The following UCN3 variants were observed in gnomAD, a reference collection of about 807,000 sequenced individuals.
UCN3 encodes the protein urocortin 3.
Under a neutral mutation model 3.6 loss-of-function variants are expected in UCN3, and 3 were observed. That is an observed-to-expected ratio of 0.83 (90% CI 0.38 to 2.15). The LOEUF is 2.15. Among genes scored for constraint, UCN3 ranks in the 30% most tolerant of loss-of-function variants. UCN3 has a pLI of 0.06. For synonymous variants in UCN3, 100 were observed against 93.2 expected (o/e 1.07, Z -0.42); for missense variants, 206 against 208.3 (o/e 0.99, Z 0.07).
In UCN3 at chr10:5,370,825, G is replaced by A. The variant is rs1357885621; in HGVS notation, c.-6-2890G>A. Among the ~76,000 whole-genome samples the A allele has an allele frequency of 2.1e-4, 16 of 76,308 alleles. 2 individuals are homozygous for A. The highest frequency in any genetic ancestry group is 3.7e-4 in the Non-Finnish European group (14 of 37,400). The allele number at this position is 76,308 out of a possible 152,430, so 50.1% of individuals were successfully genotyped here. A position where few individuals can be genotyped will look rare whatever the true frequency, so the allele number is the denominator to read the frequency against. On this transcript the variant is annotated intron_variant, in intron 1 of 1. Coordinates refer to ENST00000380433, the MANE Select transcript of UCN3 (RefSeq NM_053049.4). ...TATATGTGTGTGTGCGTGTGTGTGC[G>A]CGCGTGTGTGTGCGCGTGTGTGTGC...
In UCN3 at chr10:5,370,473, GTGTGTATA is replaced by G. The variant is rs1209771206; in HGVS notation, c.-6-3236_-6-3229del. Among the ~76,000 whole-genome samples, 4 of 98,182 alleles carry G rather than the reference GTGTGTATA, an allele frequency of 4.1e-5. 1 individual carries two copies. The highest frequency in any genetic ancestry group is 1.1e-3 in the South Asian group (2 of 1,874). The allele number at this position is 98,182 out of a possible 152,430, so 64.4% of individuals were successfully genotyped here. A position where few individuals can be genotyped will look rare whatever the true frequency, so the allele number is the denominator to read the frequency against. ...TGTGTGTGTATATGTGTGTATATGC[GTGTGTATA>G]TGTGTGTATGTGTGTGTATATGCGT... On this transcript the variant is annotated intron_variant, in intron 1 of 1. Coordinates refer to ENST00000380433, the MANE Select transcript of UCN3 (RefSeq NM_053049.4).
At chr10:5,370,591 G>C (rs1311533386) in intron 1 of UCN3, among the ~76,000 whole-genome samples, 1 of 97,452 alleles carries the variant, frequency 1.0e-5, no homozygotes, top group African/African-American at 4.0e-5. Context: ...GTGTGTATAT[G>C]TGTGTGTGTA....
At position 5,370,441 on chromosome 10, in the gene UCN3, GTGTA is replaced by G. The variant is rs1220209871; in HGVS notation, c.-6-3270_-6-3267del. 3.5e-5 allele frequency among the ~76,000 whole-genome samples: 4 copies of G among 114,480 alleles called. 1 individual carries two copies. The highest frequency in any genetic ancestry group is 1.5e-4 in the African/African-American group (4 of 26,176). 75.1% of individuals were successfully genotyped at this position (114,480 alleles called of 152,430 possible). ...TGTGTATATGCGTGTGTATATGCGT[GTGTA>G]TGTGTGTGTGTATATGTGTGTATAT... On this transcript the variant is annotated intron_variant, in intron 1 of 1. Transcript: ENST00000380433.
chr10:5,371,565 G>T (rs111911262), intron 1 of UCN3, among the ~76,000 whole-genome samples: 2,012 of 152,178 alleles, frequency 0.013, 42 homozygotes, highest in African/African-American at 0.041. Flanking sequence ...ACAGCCTAAG[G>T]CTGTCTGGTT....
At position 5,370,801 on chromosome 10, in the gene UCN3, A is replaced by G. The variant is rs1468300928; in HGVS notation, c.-6-2914A>G. On this transcript the variant is annotated intron_variant, in intron 1 of 1. Coordinates refer to ENST00000380433, the MANE Select transcript of UCN3 (RefSeq NM_053049.4). ...TGCGTGTGTGTGTGTATGCGTGTGT[A>G]TATGTGTGTGTGCGTGTGTGTGCGC... Among the ~76,000 whole-genome samples the G allele has an allele frequency of 1.6e-3, 153 of 95,348 alleles. 2 individuals are homozygous for G. Among genetic ancestry groups the G allele is most frequent in the African/African-American group, 3.8e-3 (76 of 20,212 alleles). The allele number at this position is 95,348 out of a possible 152,430, so 62.6% of individuals were successfully genotyped here.
In UCN3 at chr10:5,374,579, T is replaced by G; in HGVS notation, c.*373T>G. The G allele has an allele frequency of 5.4e-6, 1 of 185,662 alleles. No homozygotes were observed. Among genetic ancestry groups the G allele is most frequent in the Non-Finnish European group, 1.1e-5 (1 of 88,484 alleles). The allele number at this position is 185,662 out of a possible 1,614,324, so 11.5% of individuals were successfully genotyped here. ...TGCCTGAGAAGAGAGCGTTCAGGGCTCCTCTCCCACACATCAACTTCTTCC... is the reference window on the plus strand; with the variant it reads ...TGCCTGAGAAGAGAGCGTTCAGGGCGCCTCTCCCACACATCAACTTCTTCC... On this transcript the variant is annotated 3_prime_UTR_variant, in exon 2 of 2. Transcript: ENST00000380433.
rs2119115357 is a variant in UCN3, at chr10:5,374,520, T to G, written c.*314T>G. 3.4e-6 allele frequency: 1 copy of G among 295,972 alleles called. No individual in the cohort carries two copies. The highest frequency in any genetic ancestry group is 6.5e-6 in the Non-Finnish European group (1 of 154,168). The allele number at this position is 295,972 out of a possible 1,614,324, so 18.3% of individuals were successfully genotyped here. On this transcript the variant is annotated 3_prime_UTR_variant, in exon 2 of 2. Coordinates refer to ENST00000380433, the MANE Select transcript of UCN3 (RefSeq NM_053049.4). ...CACAGCAAGAGGCAAAGTTCATGCA[T>G]TCCTCCTCTCCAGTCTTCTCTCTGT...
chr10:5,372,500 G>A (rs1339723297), intron 1 of UCN3, among the ~76,000 whole-genome samples: 6 of 152,216 alleles, frequency 3.9e-5, no homozygotes, highest in African/African-American at 9.6e-5. Flanking sequence ...GAGGGTCATC[G>A]AGTCGGACGT....
intron 1 of UCN3, among the ~76,000 whole-genome samples, chr10:5,368,602 C>T (rs1301567556): frequency 6.6e-6 from 1 of 152,118 alleles, no homozygotes; most frequent in Admixed American, 6.5e-5. Flanking sequence ...CAAAGTTTCT[C>T]CACCACTTTC....
intron 1 of UCN3, among the ~76,000 whole-genome samples, chr10:5,372,010 G>A (rs1831435209): frequency 1.3e-5 from 2 of 152,226 alleles, no homozygotes; most frequent in Admixed American, 1.3e-4. Context: ...ACACCGCAAT[G>A]AGAGAACAGG....
In UCN3 at chr10:5,370,553, GTA is replaced by G. The variant is rs782078660; in HGVS notation, c.-6-3158_-6-3157del. On this transcript the variant is annotated intron_variant, in intron 1 of 1. Coordinates refer to ENST00000380433, the MANE Select transcript of UCN3 (RefSeq NM_053049.4). ...TGTGTGTATATGCGTGTATATGTGT[GTA>G]TATGTGTGTGTATATGCGTGTATAT... is the stretch of plus-strand genomic sequence containing the variant. Among the ~76,000 whole-genome samples, 17 of 115,034 alleles carry G rather than the reference GTA, an allele frequency of 1.5e-4. 3 individuals are homozygous for G. Among genetic ancestry groups the G allele is most frequent in the South Asian group, 3.6e-4 (1 of 2,776 alleles). The allele number at this position is 115,034 out of a possible 152,430, so 75.5% of individuals were successfully genotyped here. A position where few individuals can be genotyped will look rare whatever the true frequency, so the allele number is the denominator to read the frequency against.
At chr10:5,372,247 G>T (rs1185693828) in intron 1 of UCN3, among the ~76,000 whole-genome samples, 8 of 152,178 alleles carry the variant, frequency 5.3e-5, no homozygotes, top group African/African-American at 1.9e-4. Flanking sequence ...CAGGGCACAG[G>T]AAGTCAACTC....
At chr10:5,370,754 T>G (rs1399044128) in intron 1 of UCN3, among the ~76,000 whole-genome samples, 2 of 122,930 alleles carry the variant, frequency 1.6e-5, no homozygotes, top group South Asian at 3.1e-4. Context: ...GTATATGATG[T>G]GTGTGTATAT....
chr10:5,370,528 T>TGTGTATGC (rs1831372979), intron 1 of UCN3, among the ~76,000 whole-genome samples: 1 of 78,412 alleles, frequency 1.3e-5, no homozygotes, highest in Non-Finnish European at 2.4e-5. Context: ...TGTGTATGTG[T>TGTGTATGC]GTGTGTATAT....
chr10:5,369,989 G>GCGTGTATA (rs1831327371), intron 1 of UCN3, among the ~76,000 whole-genome samples: 1 of 80,078 alleles, frequency 1.2e-5, no homozygotes, highest in African/African-American at 4.6e-5. Context: ...GTGTGTATAT[G>GCGTGTATA]TGTGTATGTG....
chr10:5,372,175 G>A (rs555237780), intron 1 of UCN3, among the ~76,000 whole-genome samples: 54 of 152,378 alleles, frequency 3.5e-4, no homozygotes, highest in South Asian at 1.4e-3. Flanking sequence ...TACAGGGCTG[G>A]GGAGAGTGTG....
In UCN3 at chr10:5,371,065, G is replaced by A. The variant is rs972898018; in HGVS notation, c.-6-2650G>A. On this transcript the variant is annotated intron_variant, in intron 1 of 1. Coordinates refer to ENST00000380433, the MANE Select transcript of UCN3 (RefSeq NM_053049.4). ...TATGTATGTGTGTGTATGTATGTAC[G>A]TGTGAGGTGTGTATGTGTGTGCATG... Among the ~76,000 whole-genome samples the A allele has an allele frequency of 5.4e-5, 8 of 149,506 alleles. 1 individual carries two copies. The highest frequency in any genetic ancestry group is 5.0e-5 in the African/African-American group (2 of 39,988).
At chr10:5,370,836 TGC>T (rs1360858359) in intron 1 of UCN3, among the ~76,000 whole-genome samples, 5,893 of 103,634 alleles carry the variant, frequency 0.057, 671 homozygotes, top group South Asian at 0.15. Flanking sequence ...CGCGTGTGTG[TGC>T]GCGTGTGTGT....
rs1256393984 is a variant in UCN3 at position 5,367,015 on chromosome 10, T to C, written c.-7+1785T>C. Among the ~76,000 whole-genome samples, 1 of 152,144 alleles carries C rather than the reference T, an allele frequency of 6.6e-6. No homozygotes were observed. The highest frequency in any genetic ancestry group is 6.5e-5 in the Admixed American group (1 of 15,276). ...ACTTGGGATTTGAAAAATAAGAAGG[T>C]AATGCATTTTTTAAAAGGCACAGTA... On this transcript the variant is annotated intron_variant, in intron 1 of 1. Coordinates refer to ENST00000380433, the MANE Select transcript of UCN3 (RefSeq NM_053049.4). The surrounding 1 kb of genome is among the most constrained non-coding windows in gnomAD (Gnocchi z 4.3).
Sources: gnomAD v4.1 joint callset for allele counts (sites outside exome capture counted in the v4.1 genomes callset) on GRCh38, gnomAD v4.1.1 for gene constraint, Gnocchi (gnomAD v3.1) non-coding constraint, MANE v1.5 for transcripts, NCBI Gene and HGNC (gene_info 2026-07-23, HGNC 2026-07-21) for gene names.